HDAC9: variants seen among roughly 807,000 people sequenced by gnomAD.
The protein encoded by HDAC9 is MEF-2 interacting transcription repressor (MITR) protein.
Under a neutral mutation model 139.4 loss-of-function variants are expected in HDAC9, and 41 were observed. The ratio of observed to expected loss-of-function variants is 0.29; its 90% CI spans 0.23 to 0.38. The LOEUF is 0.38. Among genes scored for constraint, HDAC9 ranks in the 10% least tolerant of loss-of-function variants. The probability of loss-of-function intolerance (pLI) is 1.00; values close to 1 mark genes in which losing one functional copy is unlikely to be tolerated. For missense variants in HDAC9, 1,147 were observed against 1,297.0 expected (o/e 0.88, Z 1.78); for synonymous variants, 517 against 476.2 (o/e 1.09, Z -1.12).
chr7:18,219,218 A>C (rs1028980237), intron 2 of HDAC9, among the ~76,000 whole-genome samples: 2 of 152,114 alleles, frequency 1.3e-5, no homozygotes, highest in Non-Finnish European at 2.9e-5. Context: ...TTTTAAAGGT[A>C]TCTTTATCAT....
intron 1 of HDAC9, chr7:18,458,880 G>A (rs942529941): frequency 3.3e-6 from 5 of 1,534,512 alleles, no homozygotes; most frequent in Non-Finnish European, 3.5e-6. Flanking sequence ...GCTATTCTGT[G>A]GCTGCTGTAG....
At chr7:18,694,888 A>G (rs1284257916) in intron 12 of HDAC9, among the ~76,000 whole-genome samples, 2 of 152,152 alleles carry the variant, frequency 1.3e-5, no homozygotes, top group Non-Finnish European at 2.9e-5. Flanking sequence ...ATAAAAGAAA[A>G]TGTGTTGGAT....
chr7:18,721,960 T>C (rs1432144715), intron 12 of HDAC9, among the ~76,000 whole-genome samples: 1 of 152,176 alleles, frequency 6.6e-6, no homozygotes, highest in African/African-American at 2.4e-5. Flanking sequence ...CCCTACCACT[T>C]AGAATGATGG....
At chr7:18,582,859 C>T (rs1828252075) in intron 2 of HDAC9, among the ~76,000 whole-genome samples, 1 of 152,142 alleles carries the variant, frequency 6.6e-6, no homozygotes, top group African/African-American at 2.4e-5. Context: ...TACCAATTGA[C>T]AGCTCCACTT....
chr7:18,570,697 A>T (rs1412301804), intron 2 of HDAC9, among the ~76,000 whole-genome samples: 1 of 152,118 alleles, frequency 6.6e-6, no homozygotes, highest in Non-Finnish European at 1.5e-5. Context: ...CCTCATTTGT[A>T]AGTAAGAATC....
intron 22 of HDAC9, among the ~76,000 whole-genome samples, chr7:18,904,552 A>C (rs1802021350): frequency 6.8e-6 from 1 of 146,730 alleles, no homozygotes; most frequent in Admixed American, 6.8e-5. Flanking sequence ...TTAATGGGGA[A>C]CCCTCTACCC....
chr7:18,663,595 C>T (rs1793890711), intron 11 of HDAC9, among the ~76,000 whole-genome samples: 1 of 152,060 alleles, frequency 6.6e-6, no homozygotes, highest in Non-Finnish European at 1.5e-5. Flanking sequence ...CCTCAAGAGG[C>T]CCTTATTGGC....
chr7:18,734,218 T>A (rs1360027786), intron 13 of HDAC9, among the ~76,000 whole-genome samples: 1 of 152,160 alleles, frequency 6.6e-6, no homozygotes, highest in Non-Finnish European at 1.5e-5. Context: ...TATATTATAG[T>A]GATGTGTGAT....
At chr7:18,760,504 C>T (rs550935770) in intron 14 of HDAC9, among the ~76,000 whole-genome samples, 4 of 152,290 alleles carry the variant, frequency 2.6e-5, no homozygotes, top group African/African-American at 9.6e-5. Context: ...TAGTCTTCAG[C>T]ATCAGAATTC....
chr7:18,252,716 C>CTT lies in HDAC9; in HGVS notation c.25+90376_25+90377dup, dbSNP rs5882651. Among the ~76,000 whole-genome samples, 504 of 150,226 alleles carry CTT rather than the reference C, an allele frequency of 3.4e-3. 2 individuals carry two copies. The highest frequency in any genetic ancestry group is 4.0e-3 in the Non-Finnish European group (271 of 67,488). ...GGGAATCTGAACCTGAAATCACATA[C>CTT]TTTTTTTTTTATTTTTGTTGATTAT... On this transcript the variant is annotated intron_variant, in intron 2 of 12. Coordinates refer to the HDAC9 transcript ENST00000417496.
intron 22 of HDAC9, among the ~76,000 whole-genome samples, chr7:18,881,332 G>C (rs10441038): frequency 0.013 from 1,936 of 152,106 alleles, 39 homozygotes; most frequent in African/African-American, 0.044. Context: ...AGATAGCCTT[G>C]ATTACAATCT....
chr7:18,822,716 T>G (rs1795080794), intron 17 of HDAC9, among the ~76,000 whole-genome samples: 1 of 152,182 alleles, frequency 6.6e-6, no homozygotes, highest in Non-Finnish European at 1.5e-5. Flanking sequence ...TAGTCTTAAA[T>G]GACTTTTCTT....
chr7:18,648,040 T>C (rs1446533331), intron 10 of HDAC9, 42 bp downstream of exon 10: 2 of 1,427,028 alleles, frequency 1.4e-6, no homozygotes, highest in Admixed American at 3.9e-5. Context: ...TTTAGGGTTT[T>C]ATTTTATTAG....
At position 18,541,141 on chromosome 7, in the gene HDAC9, G is replaced by GTTTTTTTTTTTTTT. The variant is rs10678670; in HGVS notation, c.23-44128_23-44115dup. On this transcript the variant is annotated intron_variant, in intron 2 of 25. Coordinates refer to ENST00000686413, the MANE Select transcript of HDAC9 (RefSeq NM_178425.4). The stretch of plus-strand genomic sequence containing the variant: ...GTGTTTCAAATATCCAAGGAACCGT[G>GTTTTTTTTTTTTTT]TTTTTTTTTTTTTTTTTTTTTTTTT... Among the ~76,000 whole-genome samples the GTTTTTTTTTTTTTT allele has an allele frequency of 1.8e-4, 12 of 65,466 alleles. 1 individual carries two copies. The highest frequency in any genetic ancestry group is 8.2e-4 in the African/African-American group (12 of 14,692). 42.9% of individuals were successfully genotyped at this position (65,466 alleles called of 152,430 possible).
At chr7:18,898,303 T>TA (rs2129277440) in intron 22 of HDAC9, among the ~76,000 whole-genome samples, 1 of 152,016 alleles carries the variant, frequency 6.6e-6, no homozygotes, top group Non-Finnish European at 1.5e-5. Flanking sequence ...CCTGGTTGAG[T>TA]AAAGACCTCA....
intron 1 of HDAC9, among the ~76,000 whole-genome samples, chr7:18,346,804 C>T (rs1422040273): frequency 1.3e-5 from 2 of 152,062 alleles, no homozygotes; most frequent in African/African-American, 2.4e-5. Context: ...AATCTCATAG[C>T]AACAGGAGAA....
intron 1 of HDAC9, among the ~76,000 whole-genome samples, chr7:18,425,021 A>G (rs1220368635): frequency 6.6e-6 from 1 of 152,132 alleles, no homozygotes; most frequent in Non-Finnish European, 1.5e-5. Flanking sequence ...TGTGTCAAAG[A>G]TATTTGTGGG....
chr7:18,930,783 C>A (rs1041934063), intron 22 of HDAC9, among the ~76,000 whole-genome samples: 20 of 152,132 alleles, frequency 1.3e-4, no homozygotes, highest in African/African-American at 4.3e-4. Flanking sequence ...TGGAAATAAA[C>A]CCTGTAGGTA....
chr7:18,673,579 G>C (rs1001195375), intron 12 of HDAC9, among the ~76,000 whole-genome samples: 18 of 151,868 alleles, frequency 1.2e-4, no homozygotes, highest in Non-Finnish European at 2.4e-4. Flanking sequence ...AATCTTACCT[G>C]TTTTACTTTT....
Sources: gnomAD v4.1 joint callset for allele counts (sites outside exome capture counted in the v4.1 genomes callset) on GRCh38, gnomAD v4.1.1 for gene constraint, MANE v1.5 for transcripts, NCBI Gene and HGNC (gene_info 2026-07-23, HGNC 2026-07-21) for gene names.